Variants in ERCC8 observed in about 807,000 individuals in gnomAD.
ERCC8 encodes the protein ERCC excision repair 8, CSA ubiquitin ligase complex subunit.
ERCC8 carries 52 observed loss-of-function variants against 54.9 expected under a neutral mutation model. The ratio of observed to expected loss-of-function variants is 0.95; its 90% CI spans 0.76 to 1.19. The LOEUF is 1.19. ERCC8 is among the 50% of genes most tolerant of loss of function. The pLI, the probability that ERCC8 is intolerant of heterozygous loss-of-function variation, is 0.00. For synonymous variants in ERCC8, 146 were observed against 157.2 expected, an observed-to-expected ratio of 0.93 and a Z score of 0.53; for missense variants, 514 against 466.1, an observed-to-expected ratio of 1.10 and a Z score of -0.95.
chr5:60,904,845 G>A lies in ERCC8; in HGVS notation c.428C>T (p.Thr143Ile), dbSNP rs1219133479. 2 of 1,587,546 alleles carry A rather than the reference G, an allele frequency of 1.3e-6. No individual in the cohort carries two copies. Among genetic ancestry groups the A allele is most frequent in the Non-Finnish European group, 1.7e-6 (2 of 1,157,076 alleles). The change falls in exon 5 of 12, where the codon ACA becomes ATA. Residue 143 changes from threonine (T) to isoleucine (I), a missense_variant. Physicochemically the swap from Thr to Ile is moderately conservative, Grantham distance 89. Coordinates refer to ENST00000676185, the MANE Select transcript of ERCC8 (RefSeq NM_000082.4). ...QTADVFNFEE[T>I]VYSHHMSPVS... is the part of the protein sequence containing the mutation. The stretch of plus-strand genomic sequence containing the variant: ...TGGAGACATATGATGACTATAAACT[G>A]TTTCCTCAAAATTAAATACATCTGC...
chr5:60,885,154 A>C (rs952132496), intron 11 of ERCC8, among the ~76,000 whole-genome samples: 3 of 151,996 alleles, frequency 2.0e-5, no homozygotes, highest in Middle Eastern at 3.4e-3. Flanking sequence ...TGGAACTATA[A>C]GTGTAAAGCC....
At chr5:60,935,701 A>G (rs1750043558) in intron 1 of ERCC8, among the ~76,000 whole-genome samples, 1 of 152,122 alleles carries the variant, frequency 6.6e-6, no homozygotes, top group South Asian at 2.1e-4. Context: ...TATTACCTTA[A>G]GGTATGTCAC....
intron 1 of ERCC8, among the ~76,000 whole-genome samples, chr5:60,936,849 C>T (rs985196998): frequency 6.6e-6 from 1 of 152,024 alleles, no homozygotes; most frequent in Non-Finnish European, 1.5e-5. Flanking sequence ...GTTAAACAAC[C>T]TTGTTTTATC....
chr5:60,899,728 C>T lies in ERCC8; in HGVS notation c.618-1G>A, dbSNP rs201464610. ...CCATAATTTTACTCTACTGTCAGCA[C>T]TGAGAAGAAATAAATGTTACATTGA... On this transcript the variant is annotated splice_acceptor_variant, in intron 7 of 11. Transcript: ENST00000676185. LOFTEE classifies it high-confidence loss of function. The T allele has an allele frequency of 1.1e-5, 18 of 1,602,438 alleles. No individual in the cohort carries two copies. Among genetic ancestry groups the T allele is most frequent in the Admixed American group, 1.7e-5 (1 of 59,944 alleles).
At chr5:60,938,349 AAT>A (rs141854199) in intron 1 of ERCC8, among the ~76,000 whole-genome samples, 52,220 of 107,654 alleles carry the variant, frequency 0.49, 11,293 homozygotes, top group East Asian at 0.68. Context: ...TACCTTTTTG[AAT>A]TTTTTTTTTT....
intron 1 of ERCC8, among the ~76,000 whole-genome samples, chr5:60,944,699 GGGGGAACCCCCCCCCCACCCCC>G (rs1462926379): frequency 7.3e-5 from 10 of 137,274 alleles, no homozygotes; most frequent in African/African-American, 2.4e-4. Context: ...CTGAGCCCGC[GGGGGAACCCCCCCCCCACCCCC>G]GGGGAACCCC....
At chr5:60,904,245 T>A (rs1206182921) in intron 5 of ERCC8, among the ~76,000 whole-genome samples, 1 of 152,182 alleles carries the variant, frequency 6.6e-6, no homozygotes, top group African/African-American at 2.4e-5. Context: ...AGTTCCTAGC[T>A]CTTCTTCACA....
intron 4 of ERCC8, among the ~76,000 whole-genome samples, chr5:60,906,872 G>T (rs1009323996): frequency 1.3e-5 from 2 of 152,176 alleles, no homozygotes; most frequent in Non-Finnish European, 2.9e-5. Flanking sequence ...AAGGCAAGAG[G>T]GGGTGGTGGC....
At chr5:60,941,963 A>T (rs1303534040) in intron 1 of ERCC8, among the ~76,000 whole-genome samples, 4 of 152,138 alleles carry the variant, frequency 2.6e-5, no homozygotes, top group Non-Finnish European at 2.9e-5. Flanking sequence ...ATAAGACAAC[A>T]ATATATATAT....
chr5:60,944,838 G>T, intron 1 of ERCC8, 94 bp downstream of exon 1: 1 of 924,538 alleles, frequency 1.1e-6, no homozygotes, highest in South Asian at 1.3e-5. Flanking sequence ...TTGGTGGCAG[G>T]AGAGCGATGA....
At chr5:60,914,960 T>C (rs983758547) in intron 4 of ERCC8, among the ~76,000 whole-genome samples, 12 of 151,972 alleles carry the variant, frequency 7.9e-5, no homozygotes, top group African/African-American at 2.9e-4. Context: ...TATTATTCTT[T>C]TTGTATGTTG....
chr5:60,878,051 T>C (rs1214696652), intron 11 of ERCC8, among the ~76,000 whole-genome samples: 1 of 152,232 alleles, frequency 6.6e-6, no homozygotes, highest in Admixed American at 6.5e-5. Flanking sequence ...GTCCCATCAA[T>C]ACCTAATTTA....
At chr5:60,894,328 C>T (rs1748662061) in intron 9 of ERCC8, among the ~76,000 whole-genome samples, 4 of 152,020 alleles carry the variant, frequency 2.6e-5, no homozygotes, top group African/African-American at 9.7e-5. Flanking sequence ...AAGCTATATG[C>T]CCAGAGGAAT....
At chr5:60,936,490 G>A (rs1210454951) in intron 1 of ERCC8, among the ~76,000 whole-genome samples, 2 of 151,914 alleles carry the variant, frequency 1.3e-5, no homozygotes, top group Non-Finnish European at 2.9e-5. Flanking sequence ...TTTATCTTTT[G>A]TGTTTTGTTG....
At chr5:60,879,502 C>CT (rs1471171303) in intron 11 of ERCC8, among the ~76,000 whole-genome samples, 2 of 152,318 alleles carry the variant, frequency 1.3e-5, no homozygotes, top group African/African-American at 4.8e-5. Flanking sequence ...GTGTGGGAGT[C>CT]TAAGTCTCTT....
rs925596982 is a variant in ERCC8 at position 60,873,504 on chromosome 5, A to G, written c.*1111T>C. Among the ~76,000 whole-genome samples the G allele has an allele frequency of 6.6e-6, 1 of 152,082 alleles. No individual in the cohort carries two copies. Among genetic ancestry groups the G allele is most frequent in the Non-Finnish European group, 1.5e-5 (1 of 68,012 alleles). ...AGCCTGGCCAACATGGTGAAACCCC[A>G]TCTCTACTGAAAATACAAAAAAATT... is the stretch of plus-strand genomic sequence containing the variant. On this transcript the variant is annotated 3_prime_UTR_variant, in exon 12 of 12. Coordinates refer to ENST00000676185, the MANE Select transcript of ERCC8 (RefSeq NM_000082.4).
intron 11 of ERCC8, among the ~76,000 whole-genome samples, chr5:60,884,097 G>A (rs1196881679): frequency 3.3e-5 from 5 of 152,140 alleles, no homozygotes; most frequent in African/African-American, 1.2e-4. Context: ...AGACAATTCT[G>A]ATATTTGGAA....
intron 11 of ERCC8, among the ~76,000 whole-genome samples, chr5:60,875,760 G>T (rs988789786): frequency 3.3e-5 from 5 of 152,060 alleles, no homozygotes; most frequent in South Asian, 2.1e-4. Flanking sequence ...GCAGTGGCGC[G>T]ATCTCCGCTC....
At chr5:60,914,266 G>T (rs2112510632) in intron 4 of ERCC8, among the ~76,000 whole-genome samples, 1 of 152,166 alleles carries the variant, frequency 6.6e-6, no homozygotes, top group Non-Finnish European at 1.5e-5. Flanking sequence ...TTATGAATCT[G>T]GGTGCTCCTC....
Sources: gnomAD v4.1 joint callset for allele counts (sites outside exome capture counted in the v4.1 genomes callset) on GRCh38, gnomAD v4.1.1 for gene constraint, MANE v1.5 for transcripts, NCBI Gene and HGNC (gene_info 2026-07-23, HGNC 2026-07-21) for gene names.